The following ERI3 variants were observed in gnomAD, a reference collection of about 807,000 sequenced individuals.
ERI3 encodes the protein ERI1 exoribonuclease family member 3.
In ERI3, 18 loss-of-function variants were observed where a neutral mutation model predicts 44.4. That is an observed-to-expected ratio of 0.41 (90% CI 0.28 to 0.60). The LOEUF (loss-of-function observed/expected upper bound fraction) is 0.60. Among genes scored for constraint, ERI3 ranks in the 20% least tolerant of loss-of-function variants. The probability of loss-of-function intolerance (pLI) is 0.36; values close to 1 mark genes in which losing one functional copy is unlikely to be tolerated. For missense variants in ERI3, 294 were observed against 435.5 expected (o/e 0.68, Z 2.89); for synonymous variants, 183 against 164.8 (o/e 1.11, Z -0.84).
chr1:44,284,715 A>G (rs1572186379), intron 7 of ERI3, 120 bp downstream of exon 7: 1 of 751,792 alleles, frequency 1.3e-6, no homozygotes. Flanking sequence ...TGAAGTTAAG[A>G]AAAGAGAAGA....
Position 44,221,105 on chromosome 1 carries a change from G to T in ERI3, c.*453C>A. 1 of 266,010 alleles carries T rather than the reference G, an allele frequency of 3.8e-6. No individual in the cohort carries two copies. The allele number at this position is 266,010 out of a possible 1,614,324, so 16.5% of individuals were successfully genotyped here. Reference sequence around the variant, plus strand: ...CACACACCCAGTGCCTCGTTTCCCCGACTTTATTCAGTGGCACGTTCACAG... The same window carrying T: ...CACACACCCAGTGCCTCGTTTCCCCTACTTTATTCAGTGGCACGTTCACAG... On this transcript the variant is annotated 3_prime_UTR_variant, in exon 9 of 9. Coordinates refer to ENST00000372257, the MANE Select transcript of ERI3 (RefSeq NM_024066.3). The surrounding 1 kb of genome is among the most constrained non-coding windows in gnomAD (Gnocchi z 5.9).
chr1:44,250,201 T>C (rs999229976), intron 7 of ERI3, among the ~76,000 whole-genome samples: 8 of 152,198 alleles, frequency 5.3e-5, no homozygotes, highest in African/African-American at 1.9e-4. Context: ...ATTAAACACT[T>C]GCATTAGCAG....
intron 8 of ERI3, chr1:44,244,012 T>G (rs1261199555): frequency 2.0e-5 from 3 of 152,174 alleles, no homozygotes; most frequent in Non-Finnish European, 4.4e-5. Flanking sequence ...AAAATGGGAA[T>G]GATGATGCCT....
At position 44,221,598 on chromosome 1, in the gene ERI3, T is replaced by C. The variant is rs756941417; in HGVS notation, c.974A>G (p.Tyr325Cys). ...NIANIMKTLA[Y>C]RGFIFKQTSK... ...TGTCTGCTTGAAGATGAAGCCTCGA[T>C]AGGCGAGTGTCTTCATGATGTTGGC... Residue 325 changes from tyrosine (Y) to cysteine (C), a missense_variant, in exon 9 of 9, where the codon TAT becomes TGT. Around this residue, in one of 2 missense-constraint regions of ERI3, gnomAD observed 187 missense variants for 338.6 expected, o/e 0.55. Coordinates refer to ENST00000372257, the MANE Select transcript of ERI3 (RefSeq NM_024066.3). This position sits in a 1 kb window ranked among gnomAD's most constrained non-coding sequence, Gnocchi z 5.9. The C allele has an allele frequency of 2.5e-6, 4 of 1,614,178 alleles. No homozygotes were observed. The highest frequency in any genetic ancestry group is 1.7e-5 in the Admixed American group (1 of 60,032).
Position 44,305,527 on chromosome 1 carries a change from A to AT in ERI3, c.758+2782dup, listed in dbSNP as rs1235509730. On this transcript the variant is annotated intron_variant, in intron 6 of 8. Transcript: ENST00000372257. ...GGGGAAATTAAATCCACATCACTAA[A>AT]TAAAAACTCGCCTTAGCAGGATCTG... Among the ~76,000 whole-genome samples the AT allele has an allele frequency of 5.3e-5, 8 of 152,238 alleles. No individual in the cohort carries two copies. In the East Asian group the frequency reaches 1.5e-3, roughly 29 times the overall value.
At position 44,292,365 on chromosome 1, in the gene ERI3, C is replaced by T. The variant is rs76494132; in HGVS notation, c.759-7458G>A. 1.1e-3 allele frequency among the ~76,000 whole-genome samples: 162 copies of T among 152,252 alleles called. 1 individual carries two copies. In the East Asian group the frequency reaches 0.03, roughly 28 times the overall value. On this transcript the variant is annotated intron_variant, in intron 6 of 8. Coordinates refer to ENST00000372257, the MANE Select transcript of ERI3 (RefSeq NM_024066.3). ...ATACCAAGGAACAAAAGCCAAGACC[C>T]CAGGCCAGACACAAAATGAGAGAGC...
At chr1:44,314,404 T>TA (rs1646039937) in intron 4 of ERI3, among the ~76,000 whole-genome samples, 2 of 152,244 alleles carry the variant, frequency 1.3e-5, no homozygotes, top group Admixed American at 1.3e-4. Flanking sequence ...ACAGCCACTC[T>TA]ATTTTATATT....
At chr1:44,325,265 C>G (rs1646288142) in intron 3 of ERI3, among the ~76,000 whole-genome samples, 1 of 151,890 alleles carries the variant, frequency 6.6e-6, no homozygotes, top group African/African-American at 2.4e-5. Flanking sequence ...TTAGTAGAGA[C>G]AGGGTTTCAC....
rs1281710739 is a variant in ERI3 at position 44,339,182 on chromosome 1, T to C, written c.352A>G (p.Ile118Val). 1 of 1,613,860 alleles carries C rather than the reference T, an allele frequency of 6.2e-7. No individual in the cohort carries two copies. Among genetic ancestry groups the C allele is most frequent in the Non-Finnish European group, 8.5e-7 (1 of 1,180,012 alleles). The change falls in exon 3 of 9, where the codon ATA becomes GTA. Residue 118 changes from isoleucine to valine, a missense_variant. Coordinates refer to ENST00000372257, the MANE Select transcript of ERI3 (RefSeq NM_024066.3). ...TGGGCCGCCAGCTTTCTGGTGGATA[T>C]GGAGCAGAACTCCGGAACACCACAG... ...SPCGVPEFCS[I>V]STRKLAAHGF...
In ERI3 at chr1:44,352,883, C is replaced by T. The variant is rs1363497513; in HGVS notation, c.178G>A (p.Ala60Thr). Residue 60 changes from alanine (A) to threonine (T), a missense_variant, in exon 2 of 9, where the codon GCT becomes ACT. By Grantham distance (58) the Ala-to-Thr change is moderately conservative (BLOSUM62 0). This residue lies in a region of ERI3 where 107 missense variants were observed against 96.9 expected (regional missense o/e 1.10). Coordinates refer to ENST00000372257, the MANE Select transcript of ERI3 (RefSeq NM_024066.3). ...ACTTCGAAGATGCCAAGACCGGCAG[C>T]TGGGGATGCTGAAGGTTCTGTGAGA... ...PALTEPSASP[A>T]AGLGIFEVRR... is the part of the protein sequence containing the mutation. The T allele has an allele frequency of 6.2e-7, 1 of 1,614,022 alleles. No individual in the cohort carries two copies. Among genetic ancestry groups the T allele is most frequent in the Non-Finnish European group, 8.5e-7 (1 of 1,180,036 alleles).
Position 44,235,328 on chromosome 1 carries a change from T to C in ERI3, c.931+12611A>G, listed in dbSNP as rs935592295. ...AAGTCCTCACTTCTCACCTGGCTCA[T>C]TGCCTTCACCTCTCAGGACCCAGGC... On this transcript the variant is annotated intron_variant, in intron 8 of 8. Coordinates refer to ENST00000372257, the MANE Select transcript of ERI3 (RefSeq NM_024066.3). The surrounding 1 kb of genome is among the most constrained non-coding windows in gnomAD (Gnocchi z 4.6). Among the ~76,000 whole-genome samples, 3 of 152,174 alleles carry C rather than the reference T, an allele frequency of 2.0e-5. No individual in the cohort carries two copies. The highest frequency in any genetic ancestry group is 2.9e-5 in the Non-Finnish European group (2 of 68,028).
chr1:44,223,444 A>C lies in ERI3; in HGVS notation c.932-1804T>G, dbSNP rs139563087. 3.5e-3 allele frequency among the ~76,000 whole-genome samples: 535 copies of C among 152,074 alleles called. 1 individual carries two copies. Among genetic ancestry groups the C allele is most frequent in the African/African-American group, 0.012 (518 of 41,458 alleles). On this transcript the variant is annotated intron_variant, in intron 8 of 8. Coordinates refer to ENST00000372257, the MANE Select transcript of ERI3 (RefSeq NM_024066.3). ...TGGTAGTGCCAACAGAGAGACTATG[A>C]TAGGGTGATTTTCTTCCCAAATAAG... is the stretch of plus-strand genomic sequence containing the variant.
intron 2 of ERI3, among the ~76,000 whole-genome samples, chr1:44,349,076 C>T (rs1367892384): frequency 6.6e-6 from 1 of 152,208 alleles, no homozygotes; most frequent in Non-Finnish European, 1.5e-5. Context: ...GAATTTCTAT[C>T]GGGAAGCTGC....
intron 1 of ERI3, chr1:44,353,638 GA>G: frequency 3.0e-6 from 3 of 985,318 alleles, no homozygotes; most frequent in Non-Finnish European, 3.6e-6. Flanking sequence ...CCACCACAAA[GA>G]AAACACTTTT....
At chr1:44,344,449 C>A (rs1646745973) in intron 2 of ERI3, among the ~76,000 whole-genome samples, 1 of 152,062 alleles carries the variant, frequency 6.6e-6, no homozygotes, top group Non-Finnish European at 1.5e-5. Context: ...GTATCTCTAT[C>A]CAGCCGAGTT....
chr1:44,337,240 G>A (rs1444959982), intron 3 of ERI3, among the ~76,000 whole-genome samples: 1 of 152,164 alleles, frequency 6.6e-6, no homozygotes, highest in Non-Finnish European at 1.5e-5. Context: ...CCATAACAGA[G>A]GTGCCAAGCG....
chr1:44,354,426 A>G (rs1646955570), intron 1 of ERI3: 1 of 985,324 alleles, frequency 1.0e-6, no homozygotes. Flanking sequence ...ATCCAAGTTC[A>G]TGCTTTTTTT....
At chr1:44,263,727 A>C (rs970915075) in intron 7 of ERI3, among the ~76,000 whole-genome samples, 9 of 152,056 alleles carry the variant, frequency 5.9e-5, no homozygotes, top group African/African-American at 2.2e-4. Flanking sequence ...TGTCCTCCCT[A>C]TTCTATGCTG....
intron 4 of ERI3, 65 bp from the exon 5 acceptor site, chr1:44,313,293 G>A: frequency 6.8e-7 from 1 of 1,465,934 alleles, no homozygotes; most frequent in Non-Finnish European, 9.5e-7. Flanking sequence ...GGCTGAACAG[G>A]ACCCCTTCCT....
Sources: allele counts gnomAD v4.1 joint callset (sites outside exome capture counted in the v4.1 genomes callset), GRCh38; gene constraint gnomAD v4.1.1; regional missense constraint gnomAD v4.1.1; non-coding constraint Gnocchi (gnomAD v3.1); transcripts MANE v1.5; gene names NCBI Gene and HGNC (gene_info 2026-07-23, HGNC 2026-07-21).